The following UIMC1 variants were observed in gnomAD, a reference collection of about 807,000 sequenced individuals.
UIMC1 encodes the protein ubiquitin interaction motif containing 1.
UIMC1 carries 42 observed loss-of-function variants against 84.9 expected under a neutral mutation model. The observed-to-expected ratio is 0.49, with a 90% CI of 0.39 to 0.64. UIMC1 has a LOEUF of 0.64. UIMC1 is among the 30% of genes least tolerant of loss of function. UIMC1 has a pLI of 0.00. For missense variants in UIMC1, 825 were observed against 847.6 expected, an observed-to-expected ratio of 0.97 and a Z score of 0.33; for synonymous variants, 281 against 293.0, an observed-to-expected ratio of 0.96 and a Z score of 0.42.
At chr5:176,998,593 C>A (rs183478874) in intron 1 of UIMC1, among the ~76,000 whole-genome samples, 2,970 of 150,746 alleles carry the variant, frequency 0.02, 45 homozygotes, top group Non-Finnish European at 0.031. Flanking sequence ...CATGGAGAAA[C>A]CCTGTCTCTA....
chr5:176,906,858 T>TA (rs2149384571), intron 13 of UIMC1, among the ~76,000 whole-genome samples: 1 of 152,382 alleles, frequency 6.6e-6, no homozygotes, highest in South Asian at 2.1e-4. Context: ...TGTGTTTTGA[T>TA]AGTGTTTTTT....
intron 6 of UIMC1, among the ~76,000 whole-genome samples, chr5:176,958,924 G>A (rs1766951275): frequency 6.6e-6 from 1 of 152,256 alleles, no homozygotes; most frequent in South Asian, 2.1e-4. Context: ...CTGAGGAAGT[G>A]CCTGGGCTGT....
chr5:176,947,505 A>T (rs939395179), intron 9 of UIMC1, among the ~76,000 whole-genome samples: 1 of 152,072 alleles, frequency 6.6e-6, no homozygotes, highest in African/African-American at 2.4e-5. Context: ...CTCGCCTTCT[A>T]CTTCTTTTAA....
At chr5:177,004,937 C>A (rs1195811351) in intron 1 of UIMC1, among the ~76,000 whole-genome samples, 1 of 152,166 alleles carries the variant, frequency 6.6e-6, no homozygotes, top group Non-Finnish European at 1.5e-5. Context: ...AGGTCTTGCT[C>A]TGTCACCCAG....
intron 1 of UIMC1, among the ~76,000 whole-genome samples, chr5:177,013,361 AACACACACACACACACACAC>A (rs6149367): frequency 7.3e-6 from 1 of 137,732 alleles, no homozygotes; most frequent in Non-Finnish European, 1.6e-5. Context: ...ACTGCATCCA[AACACACACACACACACACAC>A]ACACACACAC....
chr5:176,918,991 C>T (rs550214962), intron 10 of UIMC1, among the ~76,000 whole-genome samples: 256 of 152,302 alleles, frequency 1.7e-3, no homozygotes, highest in African/African-American at 5.7e-3. Context: ...TTTTCCTAGT[C>T]GGTTCATTCT....
chr5:176,954,253 CTG>C (rs969790289), intron 8 of UIMC1, among the ~76,000 whole-genome samples: 1 of 152,264 alleles, frequency 6.6e-6, no homozygotes, highest in Admixed American at 6.5e-5. Context: ...CCTAAACAGA[CTG>C]AGTGATTTCC....
At position 176,951,573 on chromosome 5, in the gene UIMC1, G is replaced by T. The variant is rs365132; in HGVS notation, c.1344C>A (p.Thr448=). ...CAAAAGTTTCAGAGGAACTTAGCTG[G>T]GTCTCTGTAATTTAAAAAAGTTAAA... ...SAEEITVCPE[T]QLSSSETFDL... Residue 448 remains threonine, a synonymous_variant, in exon 9 of 15, where the codon ACC becomes ACA. Transcript: ENST00000511320. The T allele has an allele frequency of 0.5, 786,835 of 1,560,034 alleles. 203,288 individuals carry two copies. Among genetic ancestry groups the T allele is most frequent in the African/African-American group, 0.82 (59,129 of 72,330 alleles).
chr5:176,951,755 C>A (rs1765908974), intron 8 of UIMC1, among the ~76,000 whole-genome samples, 178 bp from the exon 9 acceptor site: 1 of 152,124 alleles, frequency 6.6e-6, no homozygotes, highest in East Asian at 1.9e-4. Context: ...TTACAAATAA[C>A]AGAATTCATA....
At chr5:176,914,596 C>T (rs1261220107) in intron 10 of UIMC1, among the ~76,000 whole-genome samples, 1 of 152,042 alleles carries the variant, frequency 6.6e-6, no homozygotes, top group African/African-American at 2.4e-5. Flanking sequence ...AAGAGATATG[C>T]GTAATAAAAC....
At chr5:177,019,732 G>C (rs1775746963) in intron 1 of UIMC1, among the ~76,000 whole-genome samples, 1 of 151,866 alleles carries the variant, frequency 6.6e-6, no homozygotes, top group Non-Finnish European at 1.5e-5. Context: ...AGGAGTTCAA[G>C]ACCAGCCTGG....
At chr5:176,907,600 T>C (rs1472920) in intron 12 of UIMC1, among the ~76,000 whole-genome samples, 6 of 151,976 alleles carry the variant, frequency 3.9e-5, no homozygotes, top group Admixed American at 2.0e-4. Flanking sequence ...TCGGTAACCC[T>C]AGAATATGGA....
chr5:176,972,758 T>C (rs1452916063), intron 3 of UIMC1, among the ~76,000 whole-genome samples: 7 of 151,074 alleles, frequency 4.6e-5, no homozygotes, highest in African/African-American at 1.7e-4. Context: ...AATTAAAAAA[T>C]TAAAATGCAT....
intron 9 of UIMC1, among the ~76,000 whole-genome samples, chr5:176,945,296 G>A (rs75988289): frequency 0.011 from 1,642 of 152,250 alleles, 25 homozygotes; most frequent in African/African-American, 0.038. Context: ...ATCTTAAAAC[G>A]AAAAGTTGTA....
chr5:176,986,389 T>TA (rs1772008238), intron 1 of UIMC1, among the ~76,000 whole-genome samples: 1 of 67,926 alleles, frequency 1.5e-5, no homozygotes, highest in South Asian at 4.6e-4. Flanking sequence ...AAAAAAAAAG[T>TA]AAGGCACACT....
At chr5:176,910,622 G>A (rs1475394355) in intron 11 of UIMC1, among the ~76,000 whole-genome samples, 1 of 152,174 alleles carries the variant, frequency 6.6e-6, no homozygotes, top group African/African-American at 2.4e-5. Context: ...TTCAACTTCT[G>A]TACTATTATA....
intron 10 of UIMC1, among the ~76,000 whole-genome samples, chr5:176,928,905 C>T (rs529483379): frequency 2.7e-5 from 4 of 150,764 alleles, no homozygotes; most frequent in East Asian, 2.0e-4. Flanking sequence ...GAGAGGAGAT[C>T]GCGCCACTGC....
chr5:176,924,099 C>T (rs1466066196), intron 10 of UIMC1, among the ~76,000 whole-genome samples: 1 of 151,832 alleles, frequency 6.6e-6, no homozygotes, highest in African/African-American at 2.4e-5. Flanking sequence ...AGGTGGATCA[C>T]CTGAGGTCAG....
chr5:176,992,780 T>C (rs1332113540), intron 1 of UIMC1, among the ~76,000 whole-genome samples: 2 of 152,122 alleles, frequency 1.3e-5, no homozygotes, highest in African/African-American at 2.4e-5. Flanking sequence ...CACTCCAGCC[T>C]AGGCAACAGA....
Sources: gnomAD v4.1 joint callset for allele counts (sites outside exome capture counted in the v4.1 genomes callset) on GRCh38, gnomAD v4.1.1 for gene constraint, MANE v1.5 for transcripts, NCBI Gene and HGNC (gene_info 2026-07-23, HGNC 2026-07-21) for gene names.